Variants in DPRX observed in about 807,000 individuals in gnomAD.
DPRX encodes the protein divergent paired-related homeobox.
DPRX carries 11 observed loss-of-function variants against 8.4 expected under a neutral mutation model. The observed-to-expected ratio is 1.31, with a 90% CI of 0.82 to 2.17. The LOEUF (loss-of-function observed/expected upper bound fraction) is 2.17, where lower values mean the gene tolerates loss of function less well. DPRX is among the 30% of genes most tolerant of loss of function. The probability of loss-of-function intolerance (pLI) is 0.00; values close to 1 mark genes in which losing one functional copy is unlikely to be tolerated. For synonymous variants in DPRX, 72 were observed against 87.0 expected (o/e 0.83, Z 0.96); for missense variants, 211 against 236.7 (o/e 0.89, Z 0.71).
At chr19:53,605,198 A>C in the DPRX span, among the ~76,000 whole-genome samples, 2 of 152,260 alleles carry the variant, frequency 1.3e-5, no homozygotes, top group South Asian at 4.1e-4. Context: ...GGCATGGGTA[A>C]GAGTGAGATC....
chr19:53,608,520 C>T, the DPRX span: 1 of 152,376 alleles, frequency 6.6e-6, no homozygotes, highest in Admixed American at 6.6e-5. Context: ...TTGCCAGGAG[C>T]CAAAGGGAAT....
chr19:53,628,049 T>G (rs2091077961), upstream of DPRX, among the ~76,000 whole-genome samples: 1 of 151,958 alleles, frequency 6.6e-6, no homozygotes. Flanking sequence ...AAAAAAAATT[T>G]CTAAAGCAAG....
chr19:53,636,284 T>G (rs988129855), intron 2 of DPRX, among the ~76,000 whole-genome samples: 5 of 152,046 alleles, frequency 3.3e-5, no homozygotes, highest in African/African-American at 1.2e-4. Context: ...AAGCATCGCT[T>G]GAACCTGGGA....
chr19:53,609,261 A>T, the DPRX span, among the ~76,000 whole-genome samples: 1 of 150,498 alleles, frequency 6.6e-6, no homozygotes, highest in Admixed American at 6.6e-5. Context: ...TGAGCTCAGG[A>T]GTTCAAGACC....
the DPRX span, chr19:53,616,828 T>C: frequency 1.2e-6 from 2 of 1,600,276 alleles, no homozygotes; most frequent in Non-Finnish European, 1.7e-6. Context: ...CCGTGTCCCG[T>C]TCTTAGCGCT....
chr19:53,603,260 C>G, the DPRX span: 2 of 448,056 alleles, frequency 4.5e-6, no homozygotes, highest in Non-Finnish European at 9.0e-6. Context: ...TTCACAACTC[C>G]TCTCAACTAC....
At chr19:53,617,949 C>G in the DPRX span, among the ~76,000 whole-genome samples, 6 of 151,838 alleles carry the variant, frequency 4.0e-5, no homozygotes, top group Non-Finnish European at 5.9e-5. Flanking sequence ...ACCAGCCTGG[C>G]CACCATGTTG....
the DPRX span, chr19:53,603,640 T>C: frequency 0.04 from 9,779 of 245,596 alleles, 542 homozygotes; most frequent in East Asian, 0.16. Flanking sequence ...CCCACGTATC[T>C]GAGGTTTCAT....
chr19:53,616,847 C>T, the DPRX span: 3 of 1,600,136 alleles, frequency 1.9e-6, no homozygotes, highest in African/African-American at 1.3e-5. Context: ...CTTGAATGTC[C>T]CAACCTGAAG....
the DPRX span, among the ~76,000 whole-genome samples, chr19:53,607,775 C>T: frequency 1.2e-4 from 18 of 151,730 alleles, no homozygotes; most frequent in African/African-American, 3.6e-4. Flanking sequence ...CGCTTGAACC[C>T]GGGAGGCAGA....
At chr19:53,612,579 C>T in the DPRX span, among the ~76,000 whole-genome samples, 1 of 152,048 alleles carries the variant, frequency 6.6e-6, no homozygotes, top group Admixed American at 6.6e-5. Flanking sequence ...TGCTGGCAGG[C>T]GCCTGTAATC....
chr19:53,634,454 A>G, intron 1 of DPRX, 77 bp from the exon 2 acceptor site: 3 of 1,521,092 alleles, frequency 2.0e-6, no homozygotes, highest in Non-Finnish European at 2.7e-6. Context: ...CCTCAGTGGA[A>G]AGGAAAGGAA....
chr19:53,626,103 A>AT, the DPRX span, among the ~76,000 whole-genome samples: 1 of 151,260 alleles, frequency 6.6e-6, no homozygotes, highest in Non-Finnish European at 1.5e-5. Context: ...AACCCAGCTA[A>AT]TTTTTTGTAT....
chr19:53,621,962 C>G, the DPRX span, among the ~76,000 whole-genome samples: 1 of 152,078 alleles, frequency 6.6e-6, no homozygotes, highest in East Asian at 1.9e-4. Flanking sequence ...CTGTTTCCCC[C>G]ACGTCGTCTA....
chr19:53,617,171 G>A, the DPRX span: 1,897 of 1,055,558 alleles, frequency 1.8e-3, 24 homozygotes, highest in African/African-American at 0.025. Context: ...TCTTCTATTC[G>A]TTGGATTCGT....
the DPRX span, among the ~76,000 whole-genome samples, chr19:53,613,241 G>A: frequency 1.3e-5 from 2 of 152,036 alleles, no homozygotes; most frequent in East Asian, 1.9e-4. Context: ...CTTTCAAAGC[G>A]CCTGTCAAAC....
exon 3 of DPRX, chr19:53,636,912 T>C (rs1435397579): frequency 3.1e-6 from 5 of 1,613,822 alleles, no homozygotes; most frequent in Middle Eastern, 1.6e-4. Context: ...TACCCCATTT[T>C]GGAATCCCAA....
chr19:53,636,442 AAAAAG>A (rs1600572862), intron 2 of DPRX, among the ~76,000 whole-genome samples, 149 bp from the exon 3 acceptor site: 1 of 66,618 alleles, frequency 1.5e-5, no homozygotes, highest in Admixed American at 1.3e-4. Flanking sequence ...AAAAGGAAAA[AAAAAG>A]AAAAGTTAAA....
the DPRX span, among the ~76,000 whole-genome samples, chr19:53,618,421 T>A: frequency 2.6e-5 from 4 of 151,274 alleles, no homozygotes; most frequent in Admixed American, 2.0e-4. Flanking sequence ...AACAATAACA[T>A]GTATGAAAGG....
Sources: gnomAD v4.1 joint callset for allele counts (sites outside exome capture counted in the v4.1 genomes callset) on GRCh38, gnomAD v4.1.1 for gene constraint, MANE v1.5 for transcripts, NCBI Gene and HGNC (gene_info 2026-07-23, HGNC 2026-07-21) for gene names.